The following EPS15 variants were observed in gnomAD, a reference collection of about 807,000 sequenced individuals.
EPS15 encodes epidermal growth factor receptor substrate 15.
Under a neutral mutation model 113.8 loss-of-function variants are expected in EPS15, and 72 were observed. That is an observed-to-expected ratio of 0.63 (90% CI 0.52 to 0.77). The LOEUF (loss-of-function observed/expected upper bound fraction) is 0.77. EPS15 is among the 30% of genes least tolerant of loss of function. The probability of loss-of-function intolerance (pLI) is 0.00; values close to 1 mark genes in which losing one functional copy is unlikely to be tolerated. For synonymous variants in EPS15, 344 were observed against 363.4 expected, an observed-to-expected ratio of 0.95 and a Z score of 0.61; for missense variants, 1,048 against 1,045.8, an observed-to-expected ratio of 1.00 and a Z score of -0.03.
At chr1:51,442,954 C>CA (rs1166072066) in intron 11 of EPS15, among the ~76,000 whole-genome samples, 1 of 151,726 alleles carries the variant, frequency 6.6e-6, no homozygotes, top group African/African-American at 2.4e-5. Context: ...GTCAAAGCTG[C>CA]AAAAAATGCA....
intron 21 of EPS15, among the ~76,000 whole-genome samples, chr1:51,379,382 A>G (rs1026032056): frequency 6.6e-6 from 1 of 152,058 alleles, no homozygotes; most frequent in Non-Finnish European, 1.5e-5. Context: ...GGCCTCCCAC[A>G]GTGTTGGGAT....
At chr1:51,403,292 G>C in intron 17 of EPS15, 127 bp downstream of exon 17, 1 of 455,832 alleles carries the variant, frequency 2.2e-6, no homozygotes, top group Admixed American at 4.3e-5. Flanking sequence ...AGGTGAAGTC[G>C]GGGCTTTTGA....
intron 24 of EPS15, among the ~76,000 whole-genome samples, chr1:51,360,752 CTT>C (rs372653905): frequency 1.3e-5 from 2 of 152,206 alleles, no homozygotes; most frequent in African/African-American, 2.4e-5. Context: ...ATCATTAAAA[CTT>C]TATACACAAA....
intron 21 of EPS15, among the ~76,000 whole-genome samples, chr1:51,389,274 C>T (rs935690595): frequency 1.2e-4 from 19 of 152,182 alleles, no homozygotes; most frequent in African/African-American, 4.6e-4. Flanking sequence ...AACAACCCTT[C>T]ATGCTAAAAA....
chr1:51,514,200 A>G (rs1234661652), intron 1 of EPS15, among the ~76,000 whole-genome samples: 2 of 152,208 alleles, frequency 1.3e-5, no homozygotes, highest in Non-Finnish European at 2.9e-5. Context: ...ATAATTAATG[A>G]AGGCATACCT....
At chr1:51,500,739 C>T (rs924054569) in intron 1 of EPS15, among the ~76,000 whole-genome samples, 7 of 152,248 alleles carry the variant, frequency 4.6e-5, no homozygotes, top group Admixed American at 4.6e-4. Context: ...AATCCCAGCA[C>T]TTTGGGAGGC....
rs539179833 is a variant in EPS15, at chr1:51,391,027, C to T, written c.2119+3354G>A. The stretch of plus-strand genomic sequence containing the variant: ...GACACATGCACACGTATATTTATTG[C>T]AGCACTATTCACAATAGCAAAGACT... On this transcript the variant is annotated intron_variant, in intron 21 of 24. Transcript: ENST00000371733. Among the ~76,000 whole-genome samples the T allele has an allele frequency of 1.1e-4, 16 of 152,250 alleles. No individual in the cohort carries two copies. The East Asian group carries it at 2.1e-3, about 20-fold the overall frequency.
At chr1:51,378,894 G>A (rs991199830) in intron 21 of EPS15, among the ~76,000 whole-genome samples, 17 of 152,040 alleles carry the variant, frequency 1.1e-4, no homozygotes, top group African/African-American at 1.9e-4. Context: ...TCTTTATACC[G>A]GAAAGAAAGA....
At chr1:51,471,758 A>G (rs1655255986) in intron 3 of EPS15, 21 bp from the exon 4 acceptor site, 1 of 1,555,222 alleles carries the variant, frequency 6.4e-7, no homozygotes, top group African/African-American at 1.4e-5. Flanking sequence ...GGGGGAAAAA[A>G]TATCAATGTA....
At chr1:51,416,091 C>T (rs1026932889) in intron 13 of EPS15, among the ~76,000 whole-genome samples, 2 of 152,140 alleles carry the variant, frequency 1.3e-5, no homozygotes, top group Non-Finnish European at 2.9e-5. Context: ...ACCTCTCTCT[C>T]TCTTCCTGCT....
chr1:51,475,430 T>G (rs1006828275), intron 2 of EPS15, among the ~76,000 whole-genome samples: 2 of 152,226 alleles, frequency 1.3e-5, no homozygotes, highest in African/African-American at 4.8e-5. Context: ...TGATGACCAG[T>G]GATGACAAGC....
chr1:51,445,169 T>A, intron 10 of EPS15, 124 bp from the exon 11 acceptor site: 2 of 837,754 alleles, frequency 2.4e-6, no homozygotes, highest in Non-Finnish European at 3.7e-6. Context: ...TCACACCAAC[T>A]TGCAGGTTAT....
chr1:51,421,120 G>A (rs755449380), intron 13 of EPS15, among the ~76,000 whole-genome samples: 10 of 151,976 alleles, frequency 6.6e-5, no homozygotes, highest in Non-Finnish European at 1.5e-4. Flanking sequence ...TATTTCTAAC[G>A]TTAGAAACAC....
intron 21 of EPS15, among the ~76,000 whole-genome samples, chr1:51,367,149 C>T (rs942948970): frequency 1.3e-5 from 2 of 152,300 alleles, no homozygotes; most frequent in Admixed American, 1.3e-4. Context: ...GAAGCCATTA[C>T]ATTCAGCTTT....
At chr1:51,357,391 AATATAT>A (rs869072153) in intron 24 of EPS15, among the ~76,000 whole-genome samples, 12 of 65,726 alleles carry the variant, frequency 1.8e-4, no homozygotes, top group Admixed American at 4.7e-4. Flanking sequence ...AAAAAAAAAA[AATATAT>A]ATATATATAT....
chr1:51,380,057 GA>G lies in EPS15; in HGVS notation c.2120-14029del, dbSNP rs149612289. ...GCCTGGAGTGAGACTCTGCTTCCAG[GA>G]AAAAAAAAAAAAAAAATTAGTCGGG... On this transcript the variant is annotated intron_variant, in intron 21 of 24. Transcript: ENST00000371733. Among the ~76,000 whole-genome samples, 795 of 130,472 alleles carry G rather than the reference GA, an allele frequency of 6.1e-3. 1 individual carries two copies. Among genetic ancestry groups the G allele is most frequent in the African/African-American group, 6.3e-3 (224 of 35,356 alleles). The allele number at this position is 130,472 out of a possible 152,430, so 85.6% of individuals were successfully genotyped here.
intron 21 of EPS15, among the ~76,000 whole-genome samples, chr1:51,381,252 G>A (rs1174233156): frequency 2.6e-5 from 4 of 152,154 alleles, no homozygotes; most frequent in Non-Finnish European, 2.9e-5. Context: ...ACATACTTTA[G>A]GCCATAGAAC....
At chr1:51,500,211 T>C (rs1644388414) in intron 1 of EPS15, among the ~76,000 whole-genome samples, 1 of 152,264 alleles carries the variant, frequency 6.6e-6, no homozygotes. Flanking sequence ...ATACTTGAGT[T>C]ATTTCTACCT....
chr1:51,443,689 C>G (rs1373987167), intron 11 of EPS15, among the ~76,000 whole-genome samples: 1 of 151,912 alleles, frequency 6.6e-6, no homozygotes, highest in Non-Finnish European at 1.5e-5. Context: ...TGCTCTGTTG[C>G]CCCGGCTGGA....
Sources: allele counts gnomAD v4.1 joint callset (sites outside exome capture counted in the v4.1 genomes callset), GRCh38; gene constraint gnomAD v4.1.1; transcripts MANE v1.5; gene names NCBI Gene and HGNC (gene_info 2026-07-23, HGNC 2026-07-21).